The following ADNP2 variants were observed in gnomAD, a reference collection of about 807,000 sequenced individuals.
ADNP2 encodes ADNP homeobox 2, also known as activity-dependent neuroprotector homeobox protein 2.
A neutral mutation model predicts 16.4 loss-of-function variants in ADNP2; 8 were observed. The observed-to-expected ratio is 0.49, with a 90% confidence interval of 0.29 to 0.88. The LOEUF (loss-of-function observed/expected upper bound fraction) is 0.88, where lower values mean the gene tolerates loss of function less well. Ranked by LOEUF, ADNP2 falls within the 40% of genes least tolerant of loss-of-function variation. The pLI is 0.09. For synonymous variants in ADNP2, 637 were observed against 545.8 expected (o/e 1.17, Z -2.33); for missense variants, 1,397 against 1,395.1 (o/e 1.00, Z -0.02).
intron 1 of ADNP2, 88 bp from the exon 2 acceptor site, chr18:80,117,442 C>G: frequency 1.4e-6 from 1 of 707,622 alleles, no homozygotes; most frequent in South Asian, 2.2e-5. Flanking sequence ...ATACTCTATT[C>G]CTAGTGTTTT....
intron 2 of ADNP2, among the ~76,000 whole-genome samples, chr18:80,127,003 C>A (rs1429169513): frequency 7.2e-5 from 11 of 152,176 alleles, no homozygotes; most frequent in Admixed American, 1.3e-4. Flanking sequence ...CGCATGCCAC[C>A]ACAAGAAGGG....
chr18:80,113,771 G>A (rs1274695419), intron 1 of ADNP2, among the ~76,000 whole-genome samples: 1 of 152,164 alleles, frequency 6.6e-6, no homozygotes, highest in Non-Finnish European at 1.5e-5. Context: ...ATGGTGAGTC[G>A]AGTGCAGTGG....
In ADNP2 at chr18:80,135,881, A is replaced by G; in HGVS notation, c.468A>G (p.Thr156=). 1.2e-6 allele frequency: 2 copies of G among 1,614,252 alleles called. No homozygotes were observed. The highest frequency in any genetic ancestry group is 1.7e-6 in the Non-Finnish European group (2 of 1,180,038). ...CTAGGAGCGATGTGATAAGTTTCAC[A>G]TGTCTAAAATGTAACTTTTCAAACA... ...KSSRSDVISF[T]CLKCNFSNTL... Residue 156 remains threonine (T), a synonymous_variant, in exon 4 of 4, where the codon ACA becomes ACG. Transcript: ENST00000262198.
rs2052557195 is a variant in ADNP2 at position 80,138,351 on chromosome 18, C to G, written c.2938C>G (p.Leu980Val). The G allele has an allele frequency of 6.2e-7, 1 of 1,614,008 alleles. No individual in the cohort carries two copies. The highest frequency in any genetic ancestry group is 8.5e-7 in the Non-Finnish European group (1 of 1,180,044). The change falls in exon 4 of 4, where the codon CTG (leucine) becomes GTG (valine). Residue 980 changes from leucine to valine, a missense_variant. Physicochemically the swap from Leu to Val is conservative, Grantham distance 32. Transcript: ENST00000262198. Reference sequence around the variant, plus strand: ...TTCCAGTTTTTCTGTTAAGAGAAAGCTGCCTGACGGCCACTTAGGGGCCGA... The same window carrying G: ...TTCCAGTTTTTCTGTTAAGAGAAAGGTGCCTGACGGCCACTTAGGGGCCGA... The part of the protein sequence containing the change: ...HDSSFSVKRK[L>V]PDGHLGAEDQ...
At chr18:80,131,283 A>G (rs928909014) in intron 2 of ADNP2, among the ~76,000 whole-genome samples, 2 of 152,140 alleles carry the variant, frequency 1.3e-5, no homozygotes, top group Admixed American at 6.5e-5. Flanking sequence ...TGTTTCTCAC[A>G]CTACTGCCTC....
At chr18:80,110,042 C>T (rs1455278091) in intron 1 of ADNP2, 1 of 152,220 alleles carries the variant, frequency 6.6e-6, no homozygotes, top group Non-Finnish European at 1.5e-5. Context: ...GACGGTGACA[C>T]CTAAATCTGC....
At chr18:80,113,418 CCT>C (rs2052370059) in intron 1 of ADNP2, among the ~76,000 whole-genome samples, 1 of 152,162 alleles carries the variant, frequency 6.6e-6, no homozygotes, top group Non-Finnish European at 1.5e-5. Context: ...GCCTCCCACT[CCT>C]CTCCCAGTTT....
Position 80,109,395 on chromosome 18 carries a change from G to A in ADNP2, c.-91G>A, listed in dbSNP as rs1040276076. On this transcript the variant is annotated 5_prime_UTR_variant, in exon 1 of 4. Transcript: ENST00000262198. ...GCGGGCGCAGGCGGCCCCACGGGAC[G>A]CGGCTGCGCTCGGCGGAAGACGCGG... The A allele has an allele frequency of 2.0e-5, 3 of 148,532 alleles. No individual in the cohort carries two copies. Among genetic ancestry groups the A allele is most frequent in the African/African-American group, 4.9e-5 (2 of 41,068 alleles). The allele number at this position is 148,532 out of a possible 1,614,324, so 9.2% of individuals were successfully genotyped here.
intron 1 of ADNP2, among the ~76,000 whole-genome samples, chr18:80,116,435 G>A (rs901914143): frequency 1.3e-5 from 2 of 152,056 alleles, no homozygotes; most frequent in African/African-American, 4.8e-5. Flanking sequence ...ATCTTTTGTG[G>A]GACAGCCAGA....
intron 2 of ADNP2, among the ~76,000 whole-genome samples, chr18:80,121,267 G>T (rs1397050443): frequency 6.6e-6 from 1 of 151,886 alleles, no homozygotes; most frequent in African/African-American, 2.4e-5. Context: ...TCTCATGGTG[G>T]TTTTGATTTG....
At chr18:80,114,617 G>C in intron 1 of ADNP2, among the ~76,000 whole-genome samples, 1 of 152,064 alleles carries the variant, frequency 6.6e-6, no homozygotes, top group East Asian at 1.9e-4. Flanking sequence ...CACTACATTC[G>C]AGCGGGTTAT....
intron 2 of ADNP2, 39 bp downstream of exon 2, chr18:80,117,689 A>C: frequency 6.6e-7 from 1 of 1,504,760 alleles, no homozygotes. Context: ...TCTGGAGGTG[A>C]GATTTGAACT....
chr18:80,137,898 T>A lies in ADNP2; in HGVS notation c.2485T>A (p.Leu829Met). The change falls in exon 4 of 4, where the codon TTG (leucine) becomes ATG (methionine). Residue 829 changes from leucine (L) to methionine (M), a missense_variant. Around this residue, in one of 3 missense-constraint regions of ADNP2, gnomAD observed 611 missense variants for 648.7 expected, o/e 0.94. Coordinates refer to ENST00000262198, the MANE Select transcript of ADNP2 (RefSeq NM_014913.4). The surrounding 1 kb of genome is among the most constrained non-coding windows in gnomAD (Gnocchi z 4.2). The part of the protein sequence containing the change: ...LFPHLDFITI[L>M]PKEKLGEREV... ...TCCCCACCTTGATTTCATCACCATATTGCCAAAGGAGAAGCTTGGGGAGCG... is the reference window on the plus strand; with the variant it reads ...TCCCCACCTTGATTTCATCACCATAATGCCAAAGGAGAAGCTTGGGGAGCG... The A allele has an allele frequency of 6.2e-7, 1 of 1,613,998 alleles. No homozygotes were observed. Among genetic ancestry groups the A allele is most frequent in the Non-Finnish European group, 8.5e-7 (1 of 1,180,022 alleles).
At chr18:80,120,422 C>T (rs1599808265) in intron 2 of ADNP2, among the ~76,000 whole-genome samples, 1 of 149,886 alleles carries the variant, frequency 6.7e-6, no homozygotes, top group East Asian at 2.0e-4. Flanking sequence ...GCCTTGATTT[C>T]CTGGGCTCAG....
At chr18:80,134,065 T>A (rs949495052) in intron 3 of ADNP2, among the ~76,000 whole-genome samples, 1 of 152,148 alleles carries the variant, frequency 6.6e-6, no homozygotes, top group African/African-American at 2.4e-5. Flanking sequence ...GACCTGACAC[T>A]CTCCTCTCTA....
chr18:80,112,448 G>A (rs1375250374), intron 1 of ADNP2, among the ~76,000 whole-genome samples: 1 of 151,704 alleles, frequency 6.6e-6, no homozygotes, highest in Non-Finnish European at 1.5e-5. Context: ...AAAAAAAGGA[G>A]GGGGGAACTT....
chr18:80,121,452 A>G (rs1162544747), intron 2 of ADNP2, among the ~76,000 whole-genome samples: 1 of 152,264 alleles, frequency 6.6e-6, no homozygotes, highest in Non-Finnish European at 1.5e-5. Context: ...AACCGTTATC[A>G]AATACGTGAT....
At chr18:80,129,227 C>G (rs908012118) in intron 2 of ADNP2, among the ~76,000 whole-genome samples, 2 of 151,710 alleles carry the variant, frequency 1.3e-5, no homozygotes, top group African/African-American at 4.8e-5. Flanking sequence ...CCTCAGCCTC[C>G]CATGTAGCTG....
Position 80,140,057 on chromosome 18 carries a change from A to G in ADNP2, c.*1248A>G, listed in dbSNP as rs931328973. The G allele has an allele frequency of 1.3e-5, 2 of 152,186 alleles. No individual in the cohort carries two copies. Among genetic ancestry groups the G allele is most frequent in the Non-Finnish European group, 2.9e-5 (2 of 68,032 alleles). 9.4% of individuals were successfully genotyped at this position (152,186 alleles called of 1,614,324 possible). A position where few individuals can be genotyped will look rare whatever the true frequency, so the allele number is the denominator to read the frequency against. On this transcript the variant is annotated 3_prime_UTR_variant, in exon 4 of 4. Coordinates refer to ENST00000262198, the MANE Select transcript of ADNP2 (RefSeq NM_014913.4). Reference sequence around the variant, plus strand: ...GACCAGCCAGTTTAGATGGTAAGTCATATTTCTGGTGGTACACAGCAGAGG... The same window carrying G: ...GACCAGCCAGTTTAGATGGTAAGTCGTATTTCTGGTGGTACACAGCAGAGG...
Sources: gnomAD v4.1 joint callset for allele counts (sites outside exome capture counted in the v4.1 genomes callset) on GRCh38, gnomAD v4.1.1 for gene constraint, gnomAD v4.1.1 regional missense constraint, Gnocchi (gnomAD v3.1) non-coding constraint, MANE v1.5 for transcripts, NCBI Gene and HGNC (gene_info 2026-07-23, HGNC 2026-07-21) for gene names.